AGBL1: variants seen among roughly 807,000 people sequenced by gnomAD.
The protein encoded by AGBL1 is AGBL carboxypeptidase 1, also known as cytosolic carboxypeptidase 4.
Under a neutral mutation model 118.9 loss-of-function variants are expected in AGBL1, and 130 were observed. That is an observed-to-expected ratio of 1.09 (90% CI 0.95 to 1.26). The LOEUF (loss-of-function observed/expected upper bound fraction) is 1.26, where lower values mean the gene tolerates loss of function less well. Among genes scored for constraint, AGBL1 ranks in the 50% most tolerant of loss-of-function variants. AGBL1 has a pLI of 0.00. For synonymous variants in AGBL1, 555 were observed against 478.9 expected, an observed-to-expected ratio of 1.16 and a Z score of -2.08; for missense variants, 1,584 against 1,298.1, an observed-to-expected ratio of 1.22 and a Z score of -3.38.
chr15:86,388,644 T>A (rs964416466), intron 17 of AGBL1, among the ~76,000 whole-genome samples: 2 of 152,178 alleles, frequency 1.3e-5, no homozygotes, highest in African/African-American at 4.8e-5. Context: ...TATATCATAT[T>A]TTGTCTCAAT....
At chr15:86,526,842 G>A (rs1306363946) in intron 19 of AGBL1, among the ~76,000 whole-genome samples, 3 of 151,984 alleles carry the variant, frequency 2.0e-5, no homozygotes, top group African/African-American at 7.3e-5. Context: ...TGGACACTTG[G>A]AGAAACAGAA....
intron 5 of AGBL1, among the ~76,000 whole-genome samples, chr15:86,171,678 A>T (rs377273076): frequency 2.0e-5 from 3 of 152,178 alleles, no homozygotes; most frequent in African/African-American, 7.2e-5. Context: ...TCAGATGTCA[A>T]TGTTGCATAC....
At chr15:86,696,634 ATTTGTTGCC>A (rs942713174) in intron 22 of AGBL1, among the ~76,000 whole-genome samples, 12 of 151,528 alleles carry the variant, frequency 7.9e-5, no homozygotes, top group African/African-American at 2.7e-4. Context: ...TCATTGGGCT[ATTTGTTGCC>A]TGAATACCTT....
chr15:86,185,770 G>C (rs906305106), intron 5 of AGBL1, among the ~76,000 whole-genome samples: 3 of 151,180 alleles, frequency 2.0e-5, no homozygotes, highest in Non-Finnish European at 4.4e-5. Flanking sequence ...GTGGGGGGCT[G>C]GGGGAGGGAT....
rs142022260 is a variant in AGBL1, at chr15:86,974,921, A to G, written c.3222-13066A>G. On this transcript the variant is annotated intron_variant, in intron 23 of 24. Transcript: ENST00000441037. ...TTCCTGAGTGGAGATATAAAGCAGA[A>G]TAATGTTGCAGGGGGATTATTGGAG... Among the ~76,000 whole-genome samples the G allele has an allele frequency of 4.6e-3, 696 of 152,108 alleles. 8 individuals are homozygous for G. The highest frequency in any genetic ancestry group is 0.016 in the African/African-American group (677 of 41,512).
intron 22 of AGBL1, among the ~76,000 whole-genome samples, chr15:86,710,713 G>C (rs139219894): frequency 1.9e-4 from 29 of 152,280 alleles, no homozygotes; most frequent in African/African-American, 6.7e-4. Flanking sequence ...ATAAGTAATA[G>C]TCAAGTGGCA....
At chr15:86,302,946 TA>T (rs1377112906) in intron 17 of AGBL1, among the ~76,000 whole-genome samples, 1 of 152,162 alleles carries the variant, frequency 6.6e-6, no homozygotes, top group East Asian at 1.9e-4. Context: ...AATTATGAGC[TA>T]ATAGGATGTT....
chr15:86,191,629 A>G (rs1158987558), intron 5 of AGBL1, among the ~76,000 whole-genome samples: 1 of 152,074 alleles, frequency 6.6e-6, no homozygotes, highest in African/African-American at 2.4e-5. Context: ...ACCGTTGTGA[A>G]TGACAGAAAA....
chr15:86,399,457 A>G (rs2081413342), intron 18 of AGBL1, among the ~76,000 whole-genome samples: 1 of 152,174 alleles, frequency 6.6e-6, no homozygotes, highest in Non-Finnish European at 1.5e-5. Flanking sequence ...GGTCCAGTAG[A>G]GAATGGAAAG....
intron 22 of AGBL1, among the ~76,000 whole-genome samples, chr15:86,723,768 G>C (rs2086773566): frequency 1.3e-5 from 2 of 152,070 alleles, no homozygotes; most frequent in African/African-American, 4.8e-5. Flanking sequence ...ATTTGTGAGA[G>C]AGAAAAAAAG....
Position 86,414,523 on chromosome 15 carries a change from G to T in AGBL1, c.2555+16977G>T, listed in dbSNP as rs181609526. ...TAATGGCTTCTGCAGGACGCTAGCA[G>T]ATTGGTGCTAATAGATGTTTCACAC... On this transcript the variant is annotated intron_variant, in intron 18 of 22. Coordinates refer to ENST00000614907, the MANE Select transcript of AGBL1 (RefSeq NM_001386094.1). Among the ~76,000 whole-genome samples the T allele has an allele frequency of 1.0e-3, 156 of 152,316 alleles. 1 individual carries two copies. Among genetic ancestry groups the T allele is most frequent in the African/African-American group, 3.6e-3 (148 of 41,584 alleles).
intron 16 of AGBL1, among the ~76,000 whole-genome samples, chr15:86,287,681 T>C (rs1226901457): frequency 6.6e-6 from 1 of 152,140 alleles, no homozygotes; most frequent in Non-Finnish European, 1.5e-5. Flanking sequence ...TGGGCTTTAG[T>C]TGAGAAAGCT....
intron 23 of AGBL1, among the ~76,000 whole-genome samples, chr15:86,976,674 T>A (rs2141714303): frequency 6.6e-6 from 1 of 152,120 alleles, no homozygotes; most frequent in South Asian, 2.1e-4. Flanking sequence ...AGCTCAACAA[T>A]ATTATTCCTA....
chr15:86,973,591 G>A (rs1248558377), intron 23 of AGBL1, among the ~76,000 whole-genome samples: 6 of 151,770 alleles, frequency 4.0e-5, no homozygotes, highest in Admixed American at 2.6e-4. Context: ...ACCTAAAAGG[G>A]CATAATGCTA....
At chr15:86,180,734 A>T (rs562935581) in intron 5 of AGBL1, among the ~76,000 whole-genome samples, 13 of 152,136 alleles carry the variant, frequency 8.5e-5, no homozygotes, top group Non-Finnish European at 1.9e-4. Flanking sequence ...ATGAAGACAC[A>T]GGCTACACAC....
chr15:86,622,118 A>G (rs2084815324), intron 21 of AGBL1, among the ~76,000 whole-genome samples: 3 of 152,196 alleles, frequency 2.0e-5, no homozygotes, highest in African/African-American at 7.2e-5. Context: ...ACCTGAGGTC[A>G]GGAGCTCGAG....
chr15:86,429,427 A>G (rs897617431), intron 18 of AGBL1, among the ~76,000 whole-genome samples: 2 of 152,222 alleles, frequency 1.3e-5, no homozygotes, highest in Admixed American at 1.3e-4. Flanking sequence ...TTTTTCTTCG[A>G]AAGTAAAAGT....
At chr15:86,485,343 C>T (rs572082711) in intron 18 of AGBL1, among the ~76,000 whole-genome samples, 3 of 152,228 alleles carry the variant, frequency 2.0e-5, no homozygotes, top group African/African-American at 7.2e-5. Context: ...AGAGCCAATA[C>T]CAGCAGAGTT....
chr15:86,108,018 T>C (rs1897152068), intron 1 of AGBL1, among the ~76,000 whole-genome samples: 1 of 152,248 alleles, frequency 6.6e-6, no homozygotes, highest in African/African-American at 2.4e-5. Flanking sequence ...CTATAAAATC[T>C]GTACACCATG....
Sources: gnomAD v4.1 joint callset for allele counts (sites outside exome capture counted in the v4.1 genomes callset) on GRCh38, gnomAD v4.1.1 for gene constraint, MANE v1.5 for transcripts, NCBI Gene and HGNC (gene_info 2026-07-23, HGNC 2026-07-21) for gene names.